EGFR: variants seen among roughly 807,000 people sequenced by gnomAD.
EGFR encodes epidermal growth factor receptor.
A neutral mutation model predicts 143.0 loss-of-function variants in EGFR; 58 were observed. That is an observed-to-expected ratio of 0.41 (90% confidence interval 0.33 to 0.50). The LOEUF is 0.50. Ranked by LOEUF, EGFR falls within the 20% of genes least tolerant of loss-of-function variation. The pLI is 0.39. For missense variants in EGFR, 1,307 were observed against 1,579.0 expected, an observed-to-expected ratio of 0.83 and a Z score of 2.92; for synonymous variants, 613 against 594.4, an observed-to-expected ratio of 1.03 and a Z score of -0.45.
Position 55,200,418 on chromosome 7 carries a change from A to G in EGFR, c.2946+5A>G, listed in dbSNP as rs2128970030. 3 of 1,613,244 alleles carry G rather than the reference A, an allele frequency of 1.9e-6. No homozygotes were observed. Among genetic ancestry groups the G allele is most frequent in the South Asian group, 1.1e-5 (1 of 91,068 alleles). ...CAGCGCTACCTTGTCATTCAGGTAC[A>G]AATTGCAGTCTGTGCTTCCATTGGG... is the stretch of plus-strand genomic sequence containing the variant. On this transcript the variant is annotated splice_donor_5th_base_variant and intron_variant, in intron 24 of 27. Coordinates refer to ENST00000275493, the MANE Select transcript of EGFR (RefSeq NM_005228.5).
At chr7:55,135,360 A>T (rs1369115447) in intron 1 of EGFR, among the ~76,000 whole-genome samples, 1 of 151,972 alleles carries the variant, frequency 6.6e-6, no homozygotes, top group Non-Finnish European at 1.5e-5. Flanking sequence ...AAGGCATATT[A>T]TAATGTACAT....
intron 1 of EGFR, among the ~76,000 whole-genome samples, chr7:55,077,222 T>C (rs1790178081): frequency 6.6e-6 from 1 of 152,230 alleles, no homozygotes; most frequent in South Asian, 2.1e-4. Context: ...TATTGACTAC[T>C]ATTCTTTGCT....
At chr7:55,151,684 T>C (rs771103176) in intron 5 of EGFR, among the ~76,000 whole-genome samples, 5 of 152,078 alleles carry the variant, frequency 3.3e-5, no homozygotes, top group Non-Finnish European at 7.4e-5. Flanking sequence ...GCCATTCTGG[T>C]TAACACAGTG....
intron 4 of EGFR, among the ~76,000 whole-genome samples, chr7:55,147,267 G>A (rs2128930109): frequency 6.6e-6 from 1 of 152,368 alleles, no homozygotes; most frequent in East Asian, 1.9e-4. Context: ...ATTCCCCAGT[G>A]AGGCAGCCTG....
intron 7 of EGFR, among the ~76,000 whole-genome samples, chr7:55,154,454 A>G (rs1785312812): frequency 6.6e-6 from 1 of 152,240 alleles, no homozygotes. Context: ...CCACTCATCC[A>G]GCAGCCACAG....
intron 6 of EGFR, among the ~76,000 whole-genome samples, chr7:55,153,622 T>C (rs1488107327): frequency 6.6e-6 from 1 of 152,200 alleles, no homozygotes; most frequent in Admixed American, 6.5e-5. Flanking sequence ...CATTCAGCAA[T>C]ACATTATAAA....
intron 27 of EGFR, chr7:55,202,980 T>A: frequency 1.9e-6 from 1 of 536,998 alleles, no homozygotes; most frequent in South Asian, 2.8e-5. Flanking sequence ...ACAGATTTGA[T>A]CCCTGTTCTC....
At chr7:55,085,126 A>G (rs986429383) in intron 1 of EGFR, among the ~76,000 whole-genome samples, 1 of 152,174 alleles carries the variant, frequency 6.6e-6, no homozygotes, top group Admixed American at 6.5e-5. Flanking sequence ...TTGGAAGCCT[A>G]CAGGACAACA....
chr7:55,181,020 A>G (rs998037216), intron 19 of EGFR: 2 of 565,420 alleles, frequency 3.5e-6, no homozygotes, highest in South Asian at 2.0e-5. Flanking sequence ...CCTTTATCCA[A>G]TGTGCTCCTC....
chr7:55,164,718 C>G (rs369361774), intron 14 of EGFR, among the ~76,000 whole-genome samples: 2 of 152,296 alleles, frequency 1.3e-5, no homozygotes, highest in Non-Finnish European at 2.9e-5. Context: ...GGCACACAAC[C>G]TGAGCAGTGC....
At chr7:55,048,858 T>G (rs1788324712) in intron 1 of EGFR, among the ~76,000 whole-genome samples, 1 of 152,224 alleles carries the variant, frequency 6.6e-6, no homozygotes, top group Non-Finnish European at 1.5e-5. Flanking sequence ...TTTCTTCTTT[T>G]GAATGACTCT....
At chr7:55,115,198 A>T (rs1295802884) in intron 1 of EGFR, among the ~76,000 whole-genome samples, 1 of 152,208 alleles carries the variant, frequency 6.6e-6, no homozygotes. Context: ...GCTTCAAAAA[A>T]TACCATAAGT....
rs565452292 is a variant in EGFR, at chr7:55,198,434, A to G, written c.2702-283A>G. Among the ~76,000 whole-genome samples, 3 of 152,218 alleles carry G rather than the reference A, an allele frequency of 2.0e-5. No homozygotes were observed. The South Asian group carries it at 6.2e-4, about 32-fold the overall frequency. ...TCTTTATTGTTAATTACCAAAGTTT[A>G]CCACTTATCAGTCACTTACTACTTG... On this transcript the variant is annotated intron_variant, in intron 22 of 27. Coordinates refer to ENST00000275493, the MANE Select transcript of EGFR (RefSeq NM_005228.5).
chr7:55,140,043 G>T (rs1794372899), intron 1 of EGFR, among the ~76,000 whole-genome samples: 1 of 151,394 alleles, frequency 6.6e-6, no homozygotes, highest in Non-Finnish European at 1.5e-5. Context: ...AGCCCTGAAG[G>T]GGCTTTTGGG....
intron 1 of EGFR, among the ~76,000 whole-genome samples, chr7:55,075,412 T>C (rs183933927): frequency 2.6e-5 from 4 of 152,182 alleles, no homozygotes; most frequent in Admixed American, 6.5e-5. Context: ...ATATAGATAG[T>C]TTATATCTAA....
chr7:55,136,867 T>C (rs1338330395), intron 1 of EGFR, among the ~76,000 whole-genome samples: 4 of 152,230 alleles, frequency 2.6e-5, no homozygotes, highest in Non-Finnish European at 4.4e-5. Flanking sequence ...TTTTGTGTTT[T>C]TGAATCCTAT....
intron 7 of EGFR, 65 bp from the exon 8 acceptor site, chr7:55,155,765 G>A (rs759407410): frequency 1.4e-5 from 18 of 1,291,350 alleles, no homozygotes; most frequent in Non-Finnish European, 1.8e-5. Context: ...GACCTGGACC[G>A]CCTGTGTGAG....
chr7:55,181,258 C>G (rs368090013), intron 19 of EGFR, 35 bp from the exon 20 acceptor site: 2 of 1,612,778 alleles, frequency 1.2e-6, no homozygotes, highest in Non-Finnish European at 1.7e-6. Context: ...GGCCACCATG[C>G]GAAGCCACAC....
intron 1 of EGFR, among the ~76,000 whole-genome samples, chr7:55,087,291 A>AAC (rs1790828091): frequency 6.6e-6 from 1 of 151,556 alleles, no homozygotes; most frequent in African/African-American, 2.4e-5. Flanking sequence ...AAACAAAAAA[A>AAC]AAAAAACCTG....
Sources: gnomAD v4.1 joint callset for allele counts (sites outside exome capture counted in the v4.1 genomes callset) on GRCh38, gnomAD v4.1.1 for gene constraint, MANE v1.5 for transcripts, NCBI Gene and HGNC (gene_info 2026-07-23, HGNC 2026-07-21) for gene names.